APOB: variants seen among roughly 807,000 people sequenced by gnomAD.
The protein encoded by APOB is apolipoprotein B.
In APOB, 153 loss-of-function variants were observed where a neutral mutation model predicts 314.1. That is an observed-to-expected ratio of 0.49 (90% CI 0.43 to 0.56). APOB has a LOEUF of 0.56. APOB is among the 20% of genes least tolerant of loss of function. The pLI is 0.00. For synonymous variants in APOB, 2,087 were observed against 2,036.4 expected (o/e 1.02, Z -0.67); for missense variants, 5,430 against 5,350.7 (o/e 1.01, Z -0.46).
Position 21,007,841 on chromosome 2 carries a change from C to G in APOB, c.9027G>C (p.Leu3009=). 6.2e-7 allele frequency: 1 copy of G among 1,614,100 alleles called. No individual in the cohort carries two copies. Among genetic ancestry groups the G allele is most frequent in the Non-Finnish European group, 8.5e-7 (1 of 1,179,962 alleles). The change falls in exon 26 of 29, where the codon CTG becomes CTC. Residue 3009 remains leucine, a synonymous_variant. Coordinates refer to ENST00000233242, the MANE Select transcript of APOB (RefSeq NM_000384.3). ...TAAACTCTGCCTTCCCTTCTCCAAA[C>G]AGTGCCATGCCTTTAGCAGTTAGAA... ...HSVLTAKGMA[L]FGEGKAEFTG... is the part of the protein sequence containing the mutation.
At chr2:21,041,370 C>T (rs1167806468) in intron 3 of APOB, among the ~76,000 whole-genome samples, 1 of 152,210 alleles carries the variant, frequency 6.6e-6, no homozygotes, top group African/African-American at 2.4e-5. Flanking sequence ...TCTAAAGTTA[C>T]TCACTTTAAT....
In APOB at chr2:21,038,038, T is replaced by C; in HGVS notation, c.457A>G (p.Ile153Val). The C allele has an allele frequency of 1.9e-6, 3 of 1,614,242 alleles. No homozygotes were observed. The highest frequency in any genetic ancestry group is 2.5e-6 in the Non-Finnish European group (3 of 1,180,042). The change falls in exon 5 of 29, where the codon ATC (isoleucine) becomes GTC (valine). Residue 153 changes from isoleucine to valine, a missense_variant. By Grantham distance (29) the Ile-to-Val change is conservative. Around this residue, in one of 3 missense-constraint regions of APOB, gnomAD observed 2,085 missense variants for 2,079.7 expected, o/e 1.00. Transcript: ENST00000233242. ...ATGATGCCCCTCTTGATGTTCAGGA[T>C]GTAAGTAGGTTCATCTTTCTCCGGG... ...LYPEKDEPTY[I>V]LNIKRGIISA...
rs764903010 is a variant in APOB, at chr2:21,002,559, T to A, written c.12863A>T (p.Gln4288Leu). Residue 4288 changes from glutamine (Q) to leucine (L), a missense_variant, in exon 29 of 29, where the codon CAG becomes CTG. Transcript: ENST00000233242. Reference sequence around the variant, plus strand: ...TAGCACCTCTGTGGTCTTGAGAGACTGAATGGCTTTAAATACCTCTTGGGC... The same window carrying A: ...TAGCACCTCTGTGGTCTTGAGAGACAGAATGGCTTTAAATACCTCTTGGGC... ...KEAQEVFKAI[Q>L]SLKTTEVLRN... is the part of the protein sequence containing the mutation. The A allele has an allele frequency of 1.9e-6, 3 of 1,614,094 alleles. No individual in the cohort carries two copies. Among genetic ancestry groups the A allele is most frequent in the Non-Finnish European group, 2.5e-6 (3 of 1,179,950 alleles).
chr2:21,019,684 G>T (rs763374149), intron 19 of APOB, 39 bp downstream of exon 19: 1 of 1,600,944 alleles, frequency 6.2e-7, no homozygotes, highest in Non-Finnish European at 8.6e-7. Context: ...TGATGTGGAA[G>T]GTGAGAAAAT....
At chr2:21,038,400 A>G (rs2103385302) in intron 4 of APOB, among the ~76,000 whole-genome samples, 1 of 151,732 alleles carries the variant, frequency 6.6e-6, no homozygotes, top group Non-Finnish European at 1.5e-5. Flanking sequence ...GCAATGGCGC[A>G]ACCTCAGCTC....
At position 21,010,475 on chromosome 2, in the gene APOB, C is replaced by A; in HGVS notation, c.6393G>T (p.Trp2131Cys). 1 of 1,610,656 alleles carries A rather than the reference C, an allele frequency of 6.2e-7. No homozygotes were observed. Reference sequence around the variant, plus strand: ...CCTTGGCATGTGAAACTTGTCTCTCCCAATTGAATGAATTCAGATAATCAT... The same window carrying A: ...CCTTGGCATGTGAAACTTGTCTCTCACAATTGAATGAATTCAGATAATCAT... Reference protein sequence around the residue: ...QANDYLNSFNWERQVSHAKEK... With the variant: ...QANDYLNSFNCERQVSHAKEK... The change falls in exon 26 of 29, where the codon TGG becomes TGT. Residue 2131 changes from tryptophan (W) to cysteine (C), a missense_variant. This residue lies in a region of APOB where 3,281 missense variants were observed against 3,171.0 expected (regional missense o/e 1.03). Coordinates refer to ENST00000233242, the MANE Select transcript of APOB (RefSeq NM_000384.3).
chr2:21,037,953 C>T lies in APOB; in HGVS notation c.537+5G>A. 2 of 1,614,194 alleles carry T rather than the reference C, an allele frequency of 1.2e-6. No homozygotes were observed. The highest frequency in any genetic ancestry group is 1.7e-6 in the Non-Finnish European group (2 of 1,180,046). ...GCCACTGCTATCAGCTTTCTAAATC[C>T]TCACCAGAAACAACACTTGCTTGGC... On this transcript the variant is annotated splice_donor_5th_base_variant and intron_variant, in intron 5 of 28. Coordinates refer to ENST00000233242, the MANE Select transcript of APOB (RefSeq NM_000384.3).
chr2:21,007,295 A>C lies in APOB; in HGVS notation c.9573T>G (p.Ala3191=). The C allele has an allele frequency of 6.2e-7, 1 of 1,613,872 alleles. No homozygotes were observed. Among genetic ancestry groups the C allele is most frequent in the East Asian group, 2.2e-5 (1 of 44,884 alleles). The stretch of plus-strand genomic sequence containing the variant: ...TCTGACTGATAAACTCACAAAGCAC[A>C]GCCAAAGGATTTGTGATGGAATGCC... ...KHRHSITNPL[A]VLCEFISQSI... The change falls in exon 26 of 29, where the codon GCT becomes GCG. Residue 3191 remains alanine (A), a synonymous_variant. Coordinates refer to ENST00000233242, the MANE Select transcript of APOB (RefSeq NM_000384.3).
rs760919952 is a variant in APOB at position 21,008,780 on chromosome 2, C to T, written c.8088G>A (p.Leu2696=). The change falls in exon 26 of 29, where the codon CTG becomes CTA. Residue 2696 remains leucine, a synonymous_variant. Transcript: ENST00000233242. ...TCGCTAGAGGAATGTCCTCCACCTT[C>T]AGATCCCTGAGATATATATCTGGAA... is the stretch of plus-strand genomic sequence containing the variant. ...WPVPDIYLRD[L]KVEDIPLARI... The T allele has an allele frequency of 6.2e-7, 1 of 1,614,062 alleles. No homozygotes were observed. Among genetic ancestry groups the T allele is most frequent in the Non-Finnish European group, 8.5e-7 (1 of 1,179,964 alleles).
intron 16 of APOB, 37 bp downstream of exon 16, chr2:21,024,896 T>A (rs777791067): frequency 6.9e-5 from 111 of 1,611,332 alleles, no homozygotes; most frequent in Non-Finnish European, 9.0e-5. Context: ...AACCAACGTC[T>A]GGTCTCATGG....
chr2:21,030,595 A>G (rs1385288277), intron 10 of APOB, among the ~76,000 whole-genome samples: 1 of 152,254 alleles, frequency 6.6e-6, no homozygotes, highest in Non-Finnish European at 1.5e-5. Context: ...AACAAAAAAT[A>G]GACAAATAGA....
chr2:21,004,937 G>A, intron 26 of APOB, 143 bp downstream of exon 26: 2 of 1,139,286 alleles, frequency 1.8e-6, no homozygotes, highest in Non-Finnish European at 2.6e-6. Context: ...TACGTGTAGG[G>A]TATACATGTA....
chr2:21,033,561 C>T (rs1328596606), intron 8 of APOB, 43 bp from the exon 9 acceptor site: 6 of 1,518,046 alleles, frequency 4.0e-6, no homozygotes, highest in Admixed American at 3.3e-5. Flanking sequence ...CTTTCTTCAT[C>T]TCAACCATAT....
chr2:21,021,138 A>G (rs1241959532), intron 18 of APOB, among the ~76,000 whole-genome samples: 1 of 152,244 alleles, frequency 6.6e-6, no homozygotes, highest in Non-Finnish European at 1.5e-5. Flanking sequence ...GACATCAAAT[A>G]CAGCACATCC....
rs564732342 is a variant in APOB, at chr2:21,028,552, A to G, written c.1618-14T>C. ...AACCTCCTGGTCCTGCAGTCAAAAG[A>G]GGAGATGGTTATCACTGTCCTGTGG... On this transcript the variant is annotated splice_polypyrimidine_tract_variant and intron_variant, in intron 12 of 28. Coordinates refer to ENST00000233242, the MANE Select transcript of APOB (RefSeq NM_000384.3). The G allele has an allele frequency of 1.3e-6, 2 of 1,584,056 alleles. No individual in the cohort carries two copies. Among genetic ancestry groups the G allele is most frequent in the South Asian group, 2.2e-5 (2 of 90,580 alleles).
At position 21,008,696 on chromosome 2, in the gene APOB, TG is replaced by T. The variant is rs764242260; in HGVS notation, c.8171del (p.Pro2724GlnfsTer39). 3.7e-6 allele frequency: 6 copies of T among 1,614,040 alleles called. No individual in the cohort carries two copies. The highest frequency in any genetic ancestry group is 5.1e-6 in the Non-Finnish European group (6 of 1,179,976). ...PEIAIPEFII[P>X]TLNLNDFQVP... ...CTTGAAAATCATTAAGGTTGAGAGTTGGGATTATGAATTCTGGAATTGCGAT... is the reference window on the plus strand; with the variant it reads ...CTTGAAAATCATTAAGGTTGAGAGTTGGATTATGAATTCTGGAATTGCGAT... On this transcript the variant is annotated frameshift_variant, in exon 26 of 29. Transcript: ENST00000233242. LOFTEE classifies it high-confidence loss of function.
At chr2:21,023,971 T>C (rs530557211) in intron 16 of APOB, 4 of 290,658 alleles carry the variant, frequency 1.4e-5, no homozygotes, top group South Asian at 1.7e-4. Context: ...CAGAGCTTTA[T>C]GGACTTTAAG....
intron 14 of APOB, among the ~76,000 whole-genome samples, chr2:21,027,306 ATTTTTTT>A (rs71391771): frequency 2.8e-5 from 3 of 105,876 alleles, no homozygotes; most frequent in East Asian, 3.1e-4. Flanking sequence ...TTGCATTTCA[ATTTTTTT>A]TTTTTTTTTT....
intron 16 of APOB, chr2:21,024,724 A>G (rs1663690402): frequency 1.4e-6 from 1 of 706,700 alleles, no homozygotes; most frequent in East Asian, 2.7e-5. Flanking sequence ...AAATACAGCT[A>G]ACATTATGAA....
Sources: allele counts gnomAD v4.1 joint callset (sites outside exome capture counted in the v4.1 genomes callset), GRCh38; gene constraint gnomAD v4.1.1; regional missense constraint gnomAD v4.1.1; transcripts MANE v1.5; gene names NCBI Gene and HGNC (gene_info 2026-07-23, HGNC 2026-07-21).